The following COL4A1 variants were observed in gnomAD, a reference collection of about 807,000 sequenced individuals.
COL4A1 encodes the protein collagen type IV alpha 1 chain.
A neutral mutation model predicts 216.6 loss-of-function variants in COL4A1; 40 were observed. The ratio of observed to expected loss-of-function variants is 0.18; its 90% CI spans 0.14 to 0.24. COL4A1 has a LOEUF of 0.24. Ranked by LOEUF, COL4A1 falls within the 10% of genes least tolerant of loss-of-function variation. The pLI is 1.00. For synonymous variants in COL4A1, 839 were observed against 810.7 expected (o/e 1.03, Z -0.59); for missense variants, 1,628 against 2,196.8 (o/e 0.74, Z 5.18).
chr13:110,185,908 C>T (rs551759479), intron 26 of COL4A1, among the ~76,000 whole-genome samples: 4 of 152,326 alleles, frequency 2.6e-5, no homozygotes, highest in African/African-American at 7.2e-5. Context: ...ACTCCAAAAA[C>T]AGCAGACAAC....
intron 2 of COL4A1, among the ~76,000 whole-genome samples, chr13:110,238,029 T>C (rs866291398): frequency 1.3e-5 from 2 of 152,222 alleles, no homozygotes; most frequent in Middle Eastern, 3.2e-3. Flanking sequence ...AGCAATGCCA[T>C]CTTCAAAGTT....
Position 110,268,772 on chromosome 13 carries a change from G to A in COL4A1, c.85-26038C>T, listed in dbSNP as rs1385385748. On this transcript the variant is annotated intron_variant, in intron 1 of 51. Transcript: ENST00000375820. The surrounding 1 kb of genome is among the most constrained non-coding windows in gnomAD (Gnocchi z 4.1). ...AATCAGCTGACTTCCAGGACCACAC[G>A]CCTGGCACGTGGGAGGCTCAACAAA... 3.3e-5 allele frequency among the ~76,000 whole-genome samples: 5 copies of A among 152,142 alleles called. No homozygotes were observed. The highest frequency in any genetic ancestry group is 7.4e-5 in the Non-Finnish European group (5 of 68,026).
chr13:110,235,655 T>C (rs1214631110), intron 2 of COL4A1, among the ~76,000 whole-genome samples: 2 of 61,784 alleles, frequency 3.2e-5, no homozygotes, highest in Non-Finnish European at 7.6e-5. Context: ...TAAGACTCTG[T>C]CTCAAAAAAA....
chr13:110,162,968 C>T (rs919926047), intron 47 of COL4A1, among the ~76,000 whole-genome samples: 1 of 152,362 alleles, frequency 6.6e-6, no homozygotes, highest in East Asian at 1.9e-4. Flanking sequence ...AACTGTGCCA[C>T]GTGCCAAACT....
At position 110,293,207 on chromosome 13, in the gene COL4A1, C is replaced by T. The variant is rs77236577; in HGVS notation, c.84+13737G>A. ...AGCAAAGTCCCAAAGCTTAGGCAAA[C>T]ATGACCAAAGGTGTGTAGGACTGTG... On this transcript the variant is annotated intron_variant, in intron 1 of 51. Transcript: ENST00000375820. 6.5e-3 allele frequency among the ~76,000 whole-genome samples: 993 copies of T among 152,264 alleles called. 7 individuals are homozygous for T. The highest frequency in any genetic ancestry group is 0.011 in the Non-Finnish European group (739 of 68,018).
intron 1 of COL4A1, chr13:110,265,179 A>G (rs138944811): frequency 5.3e-5 from 8 of 152,366 alleles, no homozygotes; most frequent in African/African-American, 1.9e-4. Flanking sequence ...CCTTTCAGAC[A>G]GATGAAAGAA....
At chr13:110,258,408 C>T (rs1474755129) in intron 1 of COL4A1, among the ~76,000 whole-genome samples, 6 of 152,090 alleles carry the variant, frequency 3.9e-5, no homozygotes, top group Non-Finnish European at 7.3e-5. Flanking sequence ...GGCGTGGTGG[C>T]GCACGCCTGT....
intron 2 of COL4A1, among the ~76,000 whole-genome samples, chr13:110,227,738 A>G (rs897006241): frequency 1.3e-5 from 2 of 152,214 alleles, no homozygotes; most frequent in African/African-American, 4.8e-5. Flanking sequence ...TTGGTTCTCC[A>G]CAGGGAGAAT....
At chr13:110,204,060 CA>C (rs1468039312) in intron 17 of COL4A1, among the ~76,000 whole-genome samples, 1 of 152,134 alleles carries the variant, frequency 6.6e-6, no homozygotes, top group Non-Finnish European at 1.5e-5. Context: ...CTCAAATTTG[CA>C]TTGGAGGTCA....
intron 24 of COL4A1, chr13:110,191,772 G>A (rs888342656): frequency 2.0e-5 from 12 of 602,596 alleles, no homozygotes; most frequent in Non-Finnish European, 2.9e-6. Context: ...TATTGATGCT[G>A]AACCTACTGA....
intron 2 of COL4A1, among the ~76,000 whole-genome samples, chr13:110,228,945 C>G (rs764533242): frequency 1.2e-4 from 18 of 152,298 alleles, no homozygotes; most frequent in Admixed American, 8.5e-4. Flanking sequence ...ATGATTGCTT[C>G]AACTTGGAAC....
At chr13:110,249,976 T>C (rs545023713) in intron 1 of COL4A1, among the ~76,000 whole-genome samples, 30 of 152,332 alleles carry the variant, frequency 2.0e-4, no homozygotes, top group Middle Eastern at 3.4e-3. Flanking sequence ...TTTGTTTTAT[T>C]ATCATCATCA....
intron 1 of COL4A1, among the ~76,000 whole-genome samples, chr13:110,304,715 T>C (rs1188218548): frequency 6.6e-6 from 1 of 152,194 alleles, no homozygotes; most frequent in Non-Finnish European, 1.5e-5. Flanking sequence ...AATATGACCA[T>C]AGCAGATACA....
chr13:110,226,930 A>T (rs1880761079), intron 2 of COL4A1, among the ~76,000 whole-genome samples: 1 of 152,240 alleles, frequency 6.6e-6, no homozygotes, highest in African/African-American at 2.4e-5. Flanking sequence ...TAGCTACTTC[A>T]TAAATACTTA....
chr13:110,214,018 A>G lies in COL4A1; in HGVS notation c.145-3T>C, dbSNP rs1224472859. On this transcript the variant is annotated splice_polypyrimidine_tract_variant and splice_region_variant and intron_variant, in intron 2 of 51. Transcript: ENST00000375820. ...AACCCCGGGAGGCCTCTTTCACCCTACAGAAGAGGAACATCAGTCAGGCAA... is the reference window on the plus strand; with the variant it reads ...AACCCCGGGAGGCCTCTTTCACCCTGCAGAAGAGGAACATCAGTCAGGCAA... 4.3e-6 allele frequency: 7 copies of G among 1,613,092 alleles called. No individual in the cohort carries two copies. Among genetic ancestry groups the G allele is most frequent in the South Asian group, 2.2e-5 (2 of 91,058 alleles).
At chr13:110,236,765 T>C (rs528237400) in intron 2 of COL4A1, among the ~76,000 whole-genome samples, 73 of 152,350 alleles carry the variant, frequency 4.8e-4, no homozygotes, top group Middle Eastern at 3.4e-3. Context: ...TGCAGACCTC[T>C]CACAGGCCTG....
At chr13:110,278,129 T>C (rs187517863) in intron 1 of COL4A1, among the ~76,000 whole-genome samples, 1 of 152,334 alleles carries the variant, frequency 6.6e-6, no homozygotes, top group East Asian at 1.9e-4. Context: ...TAAGTTTCAA[T>C]AGAGCCACTT....
chr13:110,297,152 G>A (rs546591734), intron 1 of COL4A1, among the ~76,000 whole-genome samples: 1 of 152,228 alleles, frequency 6.6e-6, no homozygotes, highest in African/African-American at 2.4e-5. Flanking sequence ...CAGAGGTTGT[G>A]AGTGGGGCTG....
chr13:110,187,873 G>C (rs927392113), intron 24 of COL4A1, among the ~76,000 whole-genome samples: 18 of 152,300 alleles, frequency 1.2e-4, no homozygotes, highest in African/African-American at 4.3e-4. Context: ...TGTGCATATT[G>C]AACAGGCTTC....
Sources: gnomAD v4.1 joint callset for allele counts (sites outside exome capture counted in the v4.1 genomes callset) on GRCh38, gnomAD v4.1.1 for gene constraint, Gnocchi (gnomAD v3.1) non-coding constraint, MANE v1.5 for transcripts, NCBI Gene and HGNC (gene_info 2026-07-23, HGNC 2026-07-21) for gene names.